ORMDL1: variants seen among roughly 807,000 people sequenced by gnomAD.
The protein encoded by ORMDL1 is ORM1-like protein 1.
In ORMDL1, 10 loss-of-function variants were observed where a neutral mutation model predicts 13.0. The ratio of observed to expected loss-of-function variants is 0.77; its 90% CI spans 0.47 to 1.30. The LOEUF (loss-of-function observed/expected upper bound fraction) is 1.30, where lower values mean the gene tolerates loss of function less well. ORMDL1 is among the 50% of genes most tolerant of loss of function. ORMDL1 has a pLI of 0.00. For missense variants in ORMDL1, 171 were observed against 186.7 expected (o/e 0.92, Z 0.49); for synonymous variants, 61 against 63.9 (o/e 0.95, Z 0.22).
At chr2:189,768,279 G>A (rs751938875), downstream of ORMDL1, among the ~76,000 whole-genome samples, 9 of 152,068 alleles carry the variant, frequency 5.9e-5, no homozygotes, top group Non-Finnish European at 1.0e-4. Context: ...TGCTCACATC[G>A]ACATGTACTA....
At chr2:189,782,963 T>C (rs1415077798) in intron 2 of ORMDL1, 51 bp downstream of exon 2, 4 of 172,908 alleles carry the variant, frequency 2.3e-5, no homozygotes, top group Non-Finnish European at 2.5e-5. Context: ...AGCCAAAAGC[T>C]AAATTTACCA....
downstream of ORMDL1, among the ~76,000 whole-genome samples, chr2:189,765,839 AT>A (rs72132150): frequency 0.011 from 1,198 of 106,718 alleles, 8 homozygotes; most frequent in African/African-American, 0.037. Context: ...TACTTTCTCC[AT>A]TTTTTTTTTT....
At chr2:189,782,636 A>G (rs1013578550) in intron 2 of ORMDL1, 34 bp from the exon 3 acceptor site, 9 of 1,578,564 alleles carry the variant, frequency 5.7e-6, no homozygotes, top group Non-Finnish European at 7.8e-6. Flanking sequence ...CAACACTGAT[A>G]CAACTGGCAA....
chr2:189,769,453 T>C (rs1024503477), downstream of ORMDL1, among the ~76,000 whole-genome samples: 7 of 152,170 alleles, frequency 4.6e-5, no homozygotes, highest in African/African-American at 1.7e-4. Flanking sequence ...CTTCTCTAAC[T>C]TAGCCTCATA....
chr2:189,780,098 G>A (rs2047790457), intron 3 of ORMDL1, among the ~76,000 whole-genome samples: 1 of 152,054 alleles, frequency 6.6e-6, no homozygotes, highest in South Asian at 2.1e-4. Flanking sequence ...TGGGGACAGG[G>A]CCCAAGTCTA....
intron 4 of ORMDL1, chr2:189,773,964 T>C (rs2047637790): frequency 6.6e-6 from 1 of 152,194 alleles, no homozygotes; most frequent in African/African-American, 2.4e-5. Context: ...GTGTGATAGC[T>C]GTGATTAAAA....
chr2:189,782,389 T>G (rs756258908), intron 3 of ORMDL1, 33 bp downstream of exon 3: 1 of 1,564,166 alleles, frequency 6.4e-7, no homozygotes, highest in East Asian at 2.3e-5. Flanking sequence ...AACTTAAAAC[T>G]TTTAAGTGTT....
chr2:189,772,006 C>T, intron 4 of ORMDL1, 104 bp from the exon 5 acceptor site: 1 of 849,126 alleles, frequency 1.2e-6, no homozygotes, highest in East Asian at 3.1e-5. Context: ...AGCATAAATA[C>T]CTAAAAATGA....
In ORMDL1 at chr2:189,780,106, C is replaced by T. The variant is rs533124949; in HGVS notation, c.174+2316G>A. ...GATATCTTGGGGACAGGGCCCAAGT[C>T]TAAACATGAAATTCATTTATGTTTC... On this transcript the variant is annotated intron_variant, in intron 3 of 4. Coordinates refer to ENST00000392349, the MANE Select transcript of ORMDL1 (RefSeq NM_016467.5). Among the ~76,000 whole-genome samples, 4 of 152,292 alleles carry T rather than the reference C, an allele frequency of 2.6e-5. No individual in the cohort carries two copies. The South Asian group carries it at 8.3e-4, about 32-fold the overall frequency.
At chr2:189,767,960 T>C (rs1055172318), downstream of ORMDL1, among the ~76,000 whole-genome samples, 1 of 152,226 alleles carries the variant, frequency 6.6e-6, no homozygotes, top group African/African-American at 2.4e-5. Flanking sequence ...GTGTCCTATA[T>C]ACTTGATACA....
chr2:189,778,527 T>A, intron 3 of ORMDL1: 2 of 442,110 alleles, frequency 4.5e-6, no homozygotes, highest in South Asian at 3.2e-5. Flanking sequence ...AGCATGGGAG[T>A]TGTGTAGATT....
At chr2:189,764,414 C>T in the ORMDL1 span, 8 of 152,372 alleles carry the variant, frequency 5.3e-5, 1 homozygote, top group East Asian at 1.5e-3. Context: ...TCTAGGCACT[C>T]TTGGCCAGTG....
At chr2:189,778,081 T>C in intron 3 of ORMDL1, 1 of 419,036 alleles carries the variant, frequency 2.4e-6, no homozygotes, top group Non-Finnish European at 4.7e-6. Context: ...TCAACCAACT[T>C]GAAACACGGT....
At position 189,772,941 on chromosome 2, in the gene ORMDL1, A is replaced by G. The variant is rs573567310; in HGVS notation, c.327-1039T>C. 5.3e-5 allele frequency among the ~76,000 whole-genome samples: 8 copies of G among 152,346 alleles called. 1 individual carries two copies. In the East Asian group the frequency reaches 1.5e-3, roughly 29 times the overall value. ...TCCACCTATTTTGCAAACTACAGTC[A>G]GAAAATTCTTTCTCTAGTGTAAACC... On this transcript the variant is annotated intron_variant, in intron 4 of 4. Transcript: ENST00000392349.
rs140532522 is a variant in ORMDL1, at chr2:189,773,302, T to G, written c.327-1400A>C. 5.6e-3 allele frequency among the ~76,000 whole-genome samples: 857 copies of G among 152,294 alleles called. 5 individuals are homozygous for G. The highest frequency in any genetic ancestry group is 0.019 in the African/African-American group (778 of 41,558). Reference sequence around the variant, plus strand: ...CCAGGTGGGACTCAGTGTGACAACATTTATTTGCCAACAGCTATATTGGAA... The same window carrying G: ...CCAGGTGGGACTCAGTGTGACAACAGTTATTTGCCAACAGCTATATTGGAA... On this transcript the variant is annotated intron_variant, in intron 4 of 4. Transcript: ENST00000392349.
intron 4 of ORMDL1, chr2:189,775,227 A>G (rs1246978018): frequency 6.0e-6 from 1 of 167,804 alleles, no homozygotes; most frequent in African/African-American, 2.4e-5. Flanking sequence ...TTGCTTAAGG[A>G]GATTAATCTG....
At position 189,775,575 on chromosome 2, in the gene ORMDL1, G is replaced by C. The variant is rs2047675209; in HGVS notation, c.316C>G (p.Pro106Ala). The change falls in exon 4 of 5, where the codon CCA becomes GCA. Residue 106 changes from proline (P) to alanine (A), a missense_variant. Physicochemically the swap from Pro to Ala is conservative, Grantham distance 27 (BLOSUM62 -1). Transcript: ENST00000392349. ...TSSRKFFTIS[P>A]IILYFLASFY... The stretch of plus-strand genomic sequence containing the variant: ...ATTTCTGCCACTTACAGAATTATTG[G>C]AGAAATTGTGAAAAACTTCCGTGAA... The C allele has an allele frequency of 6.3e-7, 1 of 1,599,726 alleles. No homozygotes were observed. Among genetic ancestry groups the C allele is most frequent in the African/African-American group, 1.3e-5 (1 of 74,102 alleles).
chr2:189,771,776 A>G lies in ORMDL1; in HGVS notation c.453T>C (p.Asn151=). ...QLHGVRIFGI[N]KY is the part of the protein sequence containing the mutation. ...TCAGTTTCAAAACATTTCAATACTT[A>G]TTAATTCCAAAGATCCGAACACCAT... is the stretch of plus-strand genomic sequence containing the variant. The change falls in exon 5 of 5, where the codon AAT becomes AAC. Residue 151 remains asparagine, a synonymous_variant. Coordinates refer to ENST00000392349, the MANE Select transcript of ORMDL1 (RefSeq NM_016467.5). The G allele has an allele frequency of 6.3e-7, 1 of 1,591,140 alleles. No homozygotes were observed. Among genetic ancestry groups the G allele is most frequent in the Non-Finnish European group, 8.5e-7 (1 of 1,173,882 alleles).
intron 4 of ORMDL1, among the ~76,000 whole-genome samples, chr2:189,773,344 A>G (rs1350798328): frequency 6.6e-6 from 1 of 152,232 alleles, no homozygotes; most frequent in Non-Finnish European, 1.5e-5. Flanking sequence ...CTGTATTACA[A>G]GATAGTAGTT....
Sources: gnomAD v4.1 joint callset for allele counts (sites outside exome capture counted in the v4.1 genomes callset) on GRCh38, gnomAD v4.1.1 for gene constraint, MANE v1.5 for transcripts, NCBI Gene and HGNC (gene_info 2026-07-23, HGNC 2026-07-21) for gene names.